Variants in AK4 observed in about 807,000 individuals in gnomAD.
AK4 encodes adenylate kinase 4, mitochondrial.
Under a neutral mutation model 24.6 loss-of-function variants are expected in AK4, and 13 were observed. That is an observed-to-expected ratio of 0.53 (90% CI 0.34 to 0.84). The LOEUF (loss-of-function observed/expected upper bound fraction) is 0.84. Ranked by LOEUF, AK4 falls within the 40% of genes least tolerant of loss-of-function variation. AK4 has a pLI of 0.01. For missense variants in AK4, 192 were observed against 288.2 expected, an observed-to-expected ratio of 0.67 and a Z score of 2.42; for synonymous variants, 88 against 107.0, an observed-to-expected ratio of 0.82 and a Z score of 1.10.
intron 1 of AK4, among the ~76,000 whole-genome samples, chr1:65,179,019 A>T (rs562904782): frequency 1.3e-5 from 2 of 152,186 alleles, no homozygotes; most frequent in Admixed American, 1.3e-4. Flanking sequence ...TCTATCTTGG[A>T]GTTGTGTCTA....
At chr1:65,152,384 ATTTTTTTTTTTTTTTTTTTTTT>A (rs552572978) in intron 1 of AK4, among the ~76,000 whole-genome samples, 2 of 16,464 alleles carry the variant, frequency 1.2e-4, no homozygotes, top group South Asian at 4.5e-3. Flanking sequence ...ATATATATAT[ATTTTTTTTTTTTTTTTTTTTTT>A]TTTTTTTTTT....
At chr1:65,218,145 A>G (rs1652187594) in intron 2 of AK4, among the ~76,000 whole-genome samples, 1 of 152,242 alleles carries the variant, frequency 6.6e-6, no homozygotes. Context: ...GACTCAGGTG[A>G]AGGTCTGGAT....
At chr1:65,171,575 GA>G (rs1375735251) in intron 1 of AK4, among the ~76,000 whole-genome samples, 5 of 151,992 alleles carry the variant, frequency 3.3e-5, no homozygotes, top group African/African-American at 1.2e-4. Context: ...AAAGTGATGG[GA>G]TTACAGGTGT....
chr1:65,148,120 C>T (rs117302037), upstream of AK4: 35,662 of 491,200 alleles, frequency 0.073, 1,853 homozygotes, highest in Admixed American at 0.23. Context: ...GGGCACGGCG[C>T]GCTTCAGCAG....
chr1:65,192,097 G>A (rs541455009), intron 2 of AK4, among the ~76,000 whole-genome samples: 41 of 152,302 alleles, frequency 2.7e-4, no homozygotes, highest in African/African-American at 9.1e-4. Flanking sequence ...TTAACTCACA[G>A]AAGTTAGCCC....
At chr1:65,219,341 T>A (rs1652228185) in intron 3 of AK4, among the ~76,000 whole-genome samples, 1 of 152,100 alleles carries the variant, frequency 6.6e-6, no homozygotes, top group Non-Finnish European at 1.5e-5. Flanking sequence ...CATTCAGAAT[T>A]TTAAGTAAAT....
intron 2 of AK4, among the ~76,000 whole-genome samples, chr1:65,212,748 G>T (rs972942172): frequency 6.6e-6 from 1 of 152,152 alleles, no homozygotes; most frequent in Non-Finnish European, 1.5e-5. Flanking sequence ...TGATACAGCA[G>T]CATCGTTGCA....
intron 2 of AK4, among the ~76,000 whole-genome samples, chr1:65,195,142 C>A (rs1488017586): frequency 6.6e-6 from 1 of 152,088 alleles, no homozygotes; most frequent in Non-Finnish European, 1.5e-5. Context: ...TGGAAGGCAA[C>A]ACATGATGAG....
intron 1 of AK4, chr1:65,149,166 C>G (rs72926143): frequency 5.2e-5 from 8 of 152,966 alleles, no homozygotes; most frequent in East Asian, 3.9e-4. Context: ...CAACTCCCCC[C>G]CCTCCCGAAG....
intron 1 of AK4, among the ~76,000 whole-genome samples, chr1:65,172,082 TA>T (rs1557444491): frequency 1.3e-4 from 14 of 109,286 alleles, no homozygotes; most frequent in Middle Eastern, 5.1e-3. Flanking sequence ...TATATATATA[TA>T]TATATATATA....
chr1:65,161,295 C>T (rs951052756), intron 1 of AK4, among the ~76,000 whole-genome samples: 1 of 152,164 alleles, frequency 6.6e-6, no homozygotes, highest in South Asian at 2.1e-4. Flanking sequence ...TCACATGTCC[C>T]AGCATTAGGT....
intron 2 of AK4, among the ~76,000 whole-genome samples, chr1:65,212,426 TG>T (rs1456303668): frequency 3.9e-5 from 6 of 151,988 alleles, no homozygotes; most frequent in Admixed American, 2.0e-4. Flanking sequence ...TCTCCCAAAG[TG>T]CTGGGATGAG....
intron 1 of AK4, among the ~76,000 whole-genome samples, chr1:65,182,824 G>A (rs1305800929): frequency 6.6e-6 from 1 of 152,186 alleles, no homozygotes; most frequent in Non-Finnish European, 1.5e-5. Context: ...CTTTCATTTA[G>A]CTTGTGACCT....
intron 1 of AK4, among the ~76,000 whole-genome samples, chr1:65,175,895 T>C (rs1004016844): frequency 6.6e-6 from 1 of 152,246 alleles, no homozygotes; most frequent in Non-Finnish European, 1.5e-5. Flanking sequence ...TCTCCTCCGC[T>C]GCTTATATAA....
chr1:65,153,586 A>G (rs1649872925), intron 1 of AK4, among the ~76,000 whole-genome samples: 1 of 152,096 alleles, frequency 6.6e-6, no homozygotes, highest in Non-Finnish European at 1.5e-5. Flanking sequence ...CATTTTTTAG[A>G]AGTAGTTTTT....
At chr1:65,183,798 A>G (rs752862046) in intron 1 of AK4, among the ~76,000 whole-genome samples, 2 of 152,094 alleles carry the variant, frequency 1.3e-5, no homozygotes, top group Non-Finnish European at 2.9e-5. Context: ...AAGATGATGC[A>G]GAATGTGAGT....
intron 2 of AK4, among the ~76,000 whole-genome samples, chr1:65,214,012 C>T (rs755430952): frequency 1.3e-4 from 20 of 152,144 alleles, no homozygotes; most frequent in Non-Finnish European, 2.5e-4. Context: ...CCTGCTGATA[C>T]CTTGGTCTTG....
chr1:65,212,470 C>T (rs1294852760), intron 2 of AK4, among the ~76,000 whole-genome samples: 1 of 151,986 alleles, frequency 6.6e-6, no homozygotes, highest in Non-Finnish European at 1.5e-5. Context: ...CACCCATGCT[C>T]ACCCACCCAA....
chr1:65,170,981 A>G (rs1336243711), intron 1 of AK4, among the ~76,000 whole-genome samples: 1 of 143,806 alleles, frequency 7.0e-6, no homozygotes, highest in Non-Finnish European at 1.5e-5. Context: ...TTTTTGAGAC[A>G]AGGTCTTGCT....
Sources: gnomAD v4.1 joint callset for allele counts (sites outside exome capture counted in the v4.1 genomes callset) on GRCh38, gnomAD v4.1.1 for gene constraint, MANE v1.5 for transcripts, NCBI Gene and HGNC (gene_info 2026-07-23, HGNC 2026-07-21) for gene names.